SPIRE1: variants seen among roughly 807,000 people sequenced by gnomAD.
The protein encoded by SPIRE1 is spire type actin nucleation factor 1, also known as protein spire homolog 1.
Under a neutral mutation model 94.1 loss-of-function variants are expected in SPIRE1, and 40 were observed. The observed-to-expected ratio is 0.43, with a 90% CI of 0.33 to 0.55. The LOEUF (loss-of-function observed/expected upper bound fraction) is 0.55, where lower values mean the gene tolerates loss of function less well. Among genes scored for constraint, SPIRE1 ranks in the 20% least tolerant of loss-of-function variants. The pLI, the probability that SPIRE1 is intolerant of heterozygous loss-of-function variation, is 0.06. For missense variants in SPIRE1, 838 were observed against 975.2 expected, an observed-to-expected ratio of 0.86 and a Z score of 1.87; for synonymous variants, 376 against 371.7, an observed-to-expected ratio of 1.01 and a Z score of -0.13.
Position 12,559,101 on chromosome 18 carries a change from G to A in SPIRE1, c.373-12197C>T, listed in dbSNP as rs375389196. On this transcript the variant is annotated intron_variant, in intron 2 of 16. Transcript: ENST00000409402. This position sits in a 1 kb window ranked among gnomAD's most constrained non-coding sequence, Gnocchi z 4.7. ...TGCCTGCACTCCTCAGCCCTTGGGCGGTAGATGGGACCAGGCACCTTGGAG... is the reference window on the plus strand; with the variant it reads ...TGCCTGCACTCCTCAGCCCTTGGGCAGTAGATGGGACCAGGCACCTTGGAG... Among the ~76,000 whole-genome samples the A allele has an allele frequency of 1.3e-5, 2 of 151,188 alleles. No homozygotes were observed. Among genetic ancestry groups the A allele is most frequent in the East Asian group, 2.0e-4 (1 of 5,052 alleles).
chr18:12,618,927 C>G (rs2037386306), intron 2 of SPIRE1, among the ~76,000 whole-genome samples: 1 of 152,156 alleles, frequency 6.6e-6, no homozygotes, highest in Admixed American at 6.5e-5. Flanking sequence ...TCTTGTTGCC[C>G]AGGCTGGAGT....
rs939811735 is a variant in SPIRE1, at chr18:12,450,880, G to A, written c.2013-984C>T. 7.5e-5 allele frequency: 54 copies of A among 720,216 alleles called. 2 individuals carry two copies. Among genetic ancestry groups the A allele is most frequent in the South Asian group, 1.7e-4 (12 of 70,702 alleles). The allele number at this position is 720,216 out of a possible 1,614,324, so 44.6% of individuals were successfully genotyped here. A position where few individuals can be genotyped will look rare whatever the true frequency, so the allele number is the denominator to read the frequency against. ...AAAAGCAGCCTTACACCACTAAGGC[G>A]GCAAAGCTGAAGGAAAAGTATGAGA... On this transcript the variant is annotated intron_variant, in intron 16 of 16. Coordinates refer to ENST00000409402, the MANE Select transcript of SPIRE1 (RefSeq NM_001128626.2).
intron 3 of SPIRE1, among the ~76,000 whole-genome samples, chr18:12,537,904 T>C (rs2034889674): frequency 6.6e-6 from 1 of 152,164 alleles, no homozygotes; most frequent in Non-Finnish European, 1.5e-5. Flanking sequence ...GAAGACAATA[T>C]AGTTAAGGCA....
At chr18:12,610,971 C>T (rs2037123934) in intron 2 of SPIRE1, among the ~76,000 whole-genome samples, 1 of 151,414 alleles carries the variant, frequency 6.6e-6, no homozygotes, top group Admixed American at 6.6e-5. Context: ...TGTGCAAAGC[C>T]GAGTCCCCAT....
intron 4 of SPIRE1, among the ~76,000 whole-genome samples, chr18:12,529,604 A>G (rs2034627995): frequency 6.6e-6 from 1 of 152,194 alleles, no homozygotes; most frequent in South Asian, 2.1e-4. Flanking sequence ...AGAAATGACA[A>G]CCCACACCTG....
At position 12,549,436 on chromosome 18, in the gene SPIRE1, G is replaced by GTTT. The variant is rs1345452411; in HGVS notation, c.373-2533_373-2532insAAA. Among the ~76,000 whole-genome samples the GTTT allele has an allele frequency of 4.8e-3, 248 of 51,902 alleles. 4 individuals are homozygous for GTTT. Among genetic ancestry groups the GTTT allele is most frequent in the Non-Finnish European group, 6.8e-3 (182 of 26,802 alleles). The allele number at this position is 51,902 out of a possible 152,430, so 34.0% of individuals were successfully genotyped here. ...TTGCTTTTTGTTTGTTTTTGTTATT[G>GTTT]TTGTTTTTTTTTTTTTTTTTTTTTT... On this transcript the variant is annotated intron_variant, in intron 2 of 16. Transcript: ENST00000409402.
intron 2 of SPIRE1, among the ~76,000 whole-genome samples, chr18:12,566,835 T>C (rs1359054234): frequency 6.6e-6 from 1 of 152,142 alleles, no homozygotes; most frequent in East Asian, 1.9e-4. Context: ...GGAATATTTC[T>C]AATTCATCCT....
At position 12,657,988 on chromosome 18, in the gene SPIRE1, G is replaced by A. The variant is rs1306433231; in HGVS notation, c.-122C>T. ...GGAACCGCCGCCGCCCAACGCGGCCGCGCGCGCCGCCGCCGGGACCAGGCG... is the reference window on the plus strand; with the variant it reads ...GGAACCGCCGCCGCCCAACGCGGCCACGCGCGCCGCCGCCGGGACCAGGCG... On this transcript the variant is annotated 5_prime_UTR_variant, in exon 1 of 17. Transcript: ENST00000409402. 15 of 992,090 alleles carry A rather than the reference G, an allele frequency of 1.5e-5. No homozygotes were observed. The highest frequency in any genetic ancestry group is 1.8e-5 in the Non-Finnish European group (15 of 835,268). The allele number at this position is 992,090 out of a possible 1,614,324, so 61.5% of individuals were successfully genotyped here. A position where few individuals can be genotyped will look rare whatever the true frequency, so the allele number is the denominator to read the frequency against.
intron 1 of SPIRE1, 93 bp downstream of exon 1, chr18:12,657,436 CG>C: frequency 9.7e-7 from 1 of 1,035,232 alleles, no homozygotes; most frequent in Non-Finnish European, 1.2e-6. Flanking sequence ...TGGGGGGGGA[CG>C]GCGGGGGCGG....
At chr18:12,568,429 T>A (rs535288193) in intron 2 of SPIRE1, among the ~76,000 whole-genome samples, 1 of 152,336 alleles carries the variant, frequency 6.6e-6, no homozygotes, top group Admixed American at 6.5e-5. Flanking sequence ...TGCATGGCCT[T>A]TCTCCTGCAT....
chr18:12,496,127 A>G (rs369933603), intron 6 of SPIRE1, 25 bp from the exon 7 acceptor site: 393 of 1,511,396 alleles, frequency 2.6e-4, no homozygotes, highest in Non-Finnish European at 3.5e-4. Flanking sequence ...AAAGCAGAAG[A>G]TTCATGTGAC....
Position 12,535,564 on chromosome 18 carries a change from G to T in SPIRE1, c.641C>A (p.Pro214Gln). 1 of 1,612,970 alleles carries T rather than the reference G, an allele frequency of 6.2e-7. No individual in the cohort carries two copies. The highest frequency in any genetic ancestry group is 8.5e-7 in the Non-Finnish European group (1 of 1,179,104). The change falls in exon 4 of 17, where the codon CCA becomes CAA. Residue 214 changes from proline (P) to glutamine (Q), a missense_variant. Physicochemically the swap from Pro to Gln is moderately conservative, Grantham distance 76 (BLOSUM62 -1). Around this residue, in one of 2 missense-constraint regions of SPIRE1, gnomAD observed 645 missense variants for 804.7 expected, o/e 0.80. Coordinates refer to ENST00000409402, the MANE Select transcript of SPIRE1 (RefSeq NM_001128626.2). Reference protein sequence around the residue: ...AAHLPTESDAPNHYQAVCRAL... With the variant: ...AAHLPTESDAQNHYQAVCRAL... ...ACGACATACTGCCTGATAATGATTT[G>T]GTGCATCTGATTCAGTAGGGAGATG...
At chr18:12,599,470 C>T (rs2036773082) in intron 2 of SPIRE1, among the ~76,000 whole-genome samples, 1 of 152,168 alleles carries the variant, frequency 6.6e-6, no homozygotes, top group South Asian at 2.1e-4. Context: ...CGCTATGTTG[C>T]CTAGGCTGGT....
In SPIRE1 at chr18:12,653,887, A is replaced by G. The variant is rs553474130; in HGVS notation, c.337+3643T>C. ...CTTGAACCCGGGAGGCGGAAGTGGC[A>G]GTGAGCCAAGATTGCGCCATTGCAC... On this transcript the variant is annotated intron_variant, in intron 1 of 16. Transcript: ENST00000409402. 5.4e-4 allele frequency among the ~76,000 whole-genome samples: 82 copies of G among 152,020 alleles called. 1 individual carries two copies. Among genetic ancestry groups the G allele is most frequent in the African/African-American group, 2.0e-3 (81 of 41,460 alleles).
At chr18:12,645,852 C>T (rs985794704) in intron 1 of SPIRE1, among the ~76,000 whole-genome samples, 3 of 152,130 alleles carry the variant, frequency 2.0e-5, no homozygotes, top group African/African-American at 7.2e-5. Flanking sequence ...CATCTGATCC[C>T]AGCCAACGTG....
chr18:12,597,866 T>C (rs541135880), intron 2 of SPIRE1, among the ~76,000 whole-genome samples: 9 of 152,148 alleles, frequency 5.9e-5, no homozygotes, highest in Non-Finnish European at 1.2e-4. Context: ...TAGCTGGGTG[T>C]GTAGGCCCTG....
intron 4 of SPIRE1, among the ~76,000 whole-genome samples, chr18:12,526,340 C>T (rs976303490): frequency 6.6e-6 from 1 of 152,154 alleles, no homozygotes; most frequent in Non-Finnish European, 1.5e-5. Context: ...ACTATTTTGC[C>T]TCAGCATTTG....
intron 6 of SPIRE1, among the ~76,000 whole-genome samples, chr18:12,501,566 T>C (rs775820504): frequency 6.6e-6 from 1 of 152,160 alleles, no homozygotes; most frequent in East Asian, 1.9e-4. Context: ...GTAGTTTTAA[T>C]AGAGACGGGG....
intron 10 of SPIRE1, 82 bp from the exon 11 acceptor site, chr18:12,465,040 G>A: frequency 8.0e-7 from 1 of 1,243,246 alleles, no homozygotes; most frequent in Non-Finnish European, 1.1e-6. Flanking sequence ...TTATTAAACA[G>A]TTATTTTAAC....
Sources: gnomAD v4.1 joint callset for allele counts (sites outside exome capture counted in the v4.1 genomes callset) on GRCh38, gnomAD v4.1.1 for gene constraint, gnomAD v4.1.1 regional missense constraint, Gnocchi (gnomAD v3.1) non-coding constraint, MANE v1.5 for transcripts, NCBI Gene and HGNC (gene_info 2026-07-23, HGNC 2026-07-21) for gene names.